Variants in HIRA observed in about 807,000 individuals in gnomAD.
HIRA encodes protein HIRA.
A neutral mutation model predicts 126.6 loss-of-function variants in HIRA; 13 were observed. The ratio of observed to expected loss-of-function variants is 0.10; its 90% CI spans 0.07 to 0.16. The LOEUF (loss-of-function observed/expected upper bound fraction) is 0.16. HIRA is among the 10% of genes least tolerant of loss of function. HIRA has a pLI of 1.00. For missense variants in HIRA, 834 were observed against 1,314.4 expected, an observed-to-expected ratio of 0.63 and a Z score of 5.65; for synonymous variants, 511 against 520.0, an observed-to-expected ratio of 0.98 and a Z score of 0.24.
intron 7 of HIRA, 142 bp downstream of exon 7, chr22:19,396,645 C>T: frequency 1.3e-6 from 1 of 741,026 alleles, no homozygotes; most frequent in South Asian, 1.8e-5. Context: ...CCCAGAGAGC[C>T]TTGGTGAATC....
At chr22:19,350,122 TC>T (rs2088739369) in intron 24 of HIRA, among the ~76,000 whole-genome samples, 1 of 152,078 alleles carries the variant, frequency 6.6e-6, no homozygotes, top group South Asian at 2.1e-4. Flanking sequence ...CTGCCAGTAT[TC>T]TATATCTCCC....
intron 17 of HIRA, among the ~76,000 whole-genome samples, chr22:19,360,039 C>A (rs2088849468): frequency 6.6e-6 from 1 of 152,172 alleles, no homozygotes; most frequent in Admixed American, 6.5e-5. Context: ...TATGGCACAG[C>A]ATGTATGAAA....
intron 15 of HIRA, 55 bp downstream of exon 15, chr22:19,375,576 T>C: frequency 6.3e-7 from 1 of 1,587,296 alleles, no homozygotes; most frequent in Non-Finnish European, 8.6e-7. Context: ...CACTGTGCTG[T>C]TGACCCATGC....
At chr22:19,402,484 T>A (rs972999386) in intron 5 of HIRA, among the ~76,000 whole-genome samples, 3 of 152,192 alleles carry the variant, frequency 2.0e-5, no homozygotes, top group African/African-American at 7.2e-5. Flanking sequence ...TGGCTATTAG[T>A]AGCAAAAGAC....
intron 5 of HIRA, chr22:19,399,111 G>A (rs2089246676): frequency 1.0e-6 from 1 of 985,186 alleles, no homozygotes; most frequent in Non-Finnish European, 1.2e-6. Context: ...CTGTGACGAT[G>A]GTGCCAACCT....
chr22:19,370,464 A>C (rs2146205341), intron 15 of HIRA, among the ~76,000 whole-genome samples: 2 of 151,970 alleles, frequency 1.3e-5, no homozygotes, highest in Middle Eastern at 6.8e-3. Flanking sequence ...AGCTGGTCTC[A>C]AACTCCCGGA....
chr22:19,431,410 C>T (rs1440338031), intron 1 of HIRA, 30 bp downstream of exon 1: 20 of 1,606,020 alleles, frequency 1.2e-5, no homozygotes, highest in Non-Finnish European at 1.7e-5. Flanking sequence ...ACTCCGGGCT[C>T]GGCCTCCCGC....
chr22:19,387,977 G>A (rs3747062), intron 10 of HIRA, among the ~76,000 whole-genome samples, 161 bp from the exon 11 acceptor site: 83 of 151,250 alleles, frequency 5.5e-4, no homozygotes, highest in African/African-American at 9.7e-4. Context: ...CTGGGCGGGG[G>A]GGGGAGGGGG....
At chr22:19,361,585 C>T in intron 16 of HIRA, 142 bp downstream of exon 16, 1 of 859,122 alleles carries the variant, frequency 1.2e-6, no homozygotes, top group Non-Finnish European at 1.9e-6. Context: ...GGCCTCCATG[C>T]TACATTCCAG....
chr22:19,360,179 G>A (rs2088850687), intron 17 of HIRA, among the ~76,000 whole-genome samples: 1 of 152,186 alleles, frequency 6.6e-6, no homozygotes, highest in Admixed American at 6.5e-5. Context: ...GGCCACTCAA[G>A]TGGGTGAGCT....
chr22:19,423,516 CACACACACAT>C (rs61341121), intron 1 of HIRA, among the ~76,000 whole-genome samples: 11,516 of 116,024 alleles, frequency 0.099, 1,448 homozygotes, highest in African/African-American at 0.3. Flanking sequence ...CACACACACA[CACACACACAT>C]ATTTTCAGCT....
chr22:19,431,431 C>T lies in HIRA; in HGVS notation c.37+9G>A. 1 of 1,608,690 alleles carries T rather than the reference C, an allele frequency of 6.2e-7. No homozygotes were observed. The highest frequency in any genetic ancestry group is 8.5e-7 in the Non-Finnish European group (1 of 1,178,712). ...GGCTCGGCCTCCCGCGACCCCTGCG[C>T]GCACTCACCATTGTGGTTGACCCAG... On this transcript the variant is annotated intron_variant, in intron 1 of 24. Transcript: ENST00000263208.
rs138630488 is a variant in HIRA at position 19,393,141 on chromosome 22, G to A, written c.823-927C>T. On this transcript the variant is annotated intron_variant, in intron 8 of 24. Transcript: ENST00000263208. ...GCTCTGTGAGCCATAGGCAGGCGTCGTGATCTCCCAGAGCTGCTAATAAAG... is the reference window on the plus strand; with the variant it reads ...GCTCTGTGAGCCATAGGCAGGCGTCATGATCTCCCAGAGCTGCTAATAAAG... Among the ~76,000 whole-genome samples, 1,187 of 152,232 alleles carry A rather than the reference G, an allele frequency of 7.8e-3. 13 individuals carry two copies. Among genetic ancestry groups the A allele is most frequent in the African/African-American group, 0.025 (1,023 of 41,536 alleles).
At chr22:19,357,202 G>A (rs2088821115) in intron 18 of HIRA, 151 bp from the exon 19 acceptor site, 4 of 842,822 alleles carry the variant, frequency 4.7e-6, no homozygotes, top group Middle Eastern at 4.8e-4. Context: ...TTGGGTCAGG[G>A]TAGGGCTGGT....
At position 19,381,057 on chromosome 22, in the gene HIRA, A is replaced by T. The variant is rs184188355; in HGVS notation, c.1415+2563T>A. Among the ~76,000 whole-genome samples the T allele has an allele frequency of 2.4e-3, 371 of 152,334 alleles. 1 individual carries two copies. Among genetic ancestry groups the T allele is most frequent in the Non-Finnish European group, 3.9e-3 (268 of 68,036 alleles). ...CCATCCTAGCTAATCAATGGTATGA[A>T]TTTCTAGTTATTTCTTTGAGTTTTC... On this transcript the variant is annotated intron_variant, in intron 13 of 24. Coordinates refer to ENST00000263208, the MANE Select transcript of HIRA (RefSeq NM_003325.4).
intron 24 of HIRA, among the ~76,000 whole-genome samples, chr22:19,336,115 G>A (rs2088565132): frequency 6.6e-6 from 1 of 152,204 alleles, no homozygotes; most frequent in Non-Finnish European, 1.5e-5. Flanking sequence ...TCATGAGAGG[G>A]ATTTGAAGTT....
chr22:19,397,937 C>T lies in HIRA; in HGVS notation c.493+55G>A, dbSNP rs987612557. ...TAAGGAGACAGCCCAACCCCTGCTCCAGAAACTGACAGGCAGTACTGCTTG... is the reference window on the plus strand; with the variant it reads ...TAAGGAGACAGCCCAACCCCTGCTCTAGAAACTGACAGGCAGTACTGCTTG... On this transcript the variant is annotated intron_variant, in intron 6 of 24. Coordinates refer to ENST00000263208, the MANE Select transcript of HIRA (RefSeq NM_003325.4). The T allele has an allele frequency of 8.1e-6, 11 of 1,361,586 alleles. No homozygotes were observed. The African/African-American group carries it at 1.1e-4, about 14-fold the overall frequency. 84.3% of individuals were successfully genotyped at this position (1,361,586 alleles called of 1,614,324 possible).
At chr22:19,416,702 C>T (rs1293818468) in intron 1 of HIRA, among the ~76,000 whole-genome samples, 1 of 152,082 alleles carries the variant, frequency 6.6e-6, no homozygotes, top group Non-Finnish European at 1.5e-5. Flanking sequence ...GAAAAATAAA[C>T]TGAACTTTAT....
rs112252852 is a variant in HIRA, at chr22:19,353,715, C to T, written c.2685-196G>A. Among the ~76,000 whole-genome samples the T allele has an allele frequency of 6.7e-3, 1,023 of 152,368 alleles. 11 individuals are homozygous for T. The highest frequency in any genetic ancestry group is 0.022 in the African/African-American group (932 of 41,590). ...TCCCCACGCCCCAGCCATGTGCCTC[C>T]TGGCACCCTTGGGGTATCTCACCCA... On this transcript the variant is annotated intron_variant, in intron 22 of 24. Transcript: ENST00000263208.
Sources: gnomAD v4.1 joint callset for allele counts (sites outside exome capture counted in the v4.1 genomes callset) on GRCh38, gnomAD v4.1.1 for gene constraint, MANE v1.5 for transcripts, NCBI Gene and HGNC (gene_info 2026-07-23, HGNC 2026-07-21) for gene names.